PUDP: variants seen among roughly 807,000 people sequenced by gnomAD.
PUDP encodes pseudouridine 5'-phosphatase, also known as pseudouridine-5'-phosphatase.
A neutral mutation model predicts 9.4 loss-of-function variants in PUDP; 8 were observed. That is an observed-to-expected ratio of 0.85 (90% CI 0.50 to 1.53). The LOEUF (loss-of-function observed/expected upper bound fraction) is 1.53. Ranked by LOEUF, PUDP falls within the 40% of genes most tolerant of loss-of-function variation. PUDP has a pLI of 0.00. For synonymous variants in PUDP, 99 were observed against 80.7 expected (o/e 1.23, Z -1.22); for missense variants, 188 against 189.7 (o/e 0.99, Z 0.05).
chrX:6,877,909 G>A (rs902395301), intron 3 of PUDP, among the ~76,000 whole-genome samples: 1 of 112,038 alleles, frequency 8.9e-6, no homozygotes, highest in African/African-American at 3.2e-5. Context: ...ACAATGCCAT[G>A]GGGGAGGTGA....
intron 3 of PUDP, among the ~76,000 whole-genome samples, chrX:6,948,916 G>A (rs1383621503): frequency 8.9e-6 from 1 of 111,916 alleles, no homozygotes; most frequent in Non-Finnish European, 1.9e-5. Context: ...CAGCGAGGAG[G>A]CAGAACTGGA....
chrX:7,077,193 C>T lies in PUDP; in HGVS notation c.510+27G>A, dbSNP rs184600682. 0.011 allele frequency: 13,106 copies of T among 1,168,667 alleles called. 424 individuals carry two copies. The African/African-American group carries it at 0.14, about 13-fold the overall frequency. ...TTTGGTGGAACATGGTTGTGGAACA[C>T]GGCCCGTGTCACCGGCACCCACTTA... On this transcript the variant is annotated intron_variant, in intron 3 of 3. Coordinates refer to ENST00000381077, the MANE Select transcript of PUDP (RefSeq NM_012080.5).
chrX:7,091,279 T>C, intron 2 of PUDP, among the ~76,000 whole-genome samples: 1 of 112,071 alleles, frequency 8.9e-6, no homozygotes, highest in Middle Eastern at 4.6e-3. Context: ...TCAGGTCTCC[T>C]AGGTTTCACT....
chrX:6,895,946 G>A (rs1927584844), intron 3 of PUDP, among the ~76,000 whole-genome samples: 1 of 110,433 alleles, frequency 9.1e-6, no homozygotes, highest in Non-Finnish European at 1.9e-5. Flanking sequence ...TTTTATAAGG[G>A]CACTCATACC....
chrX:6,926,534 TA>T (rs1270029038), intron 3 of PUDP, among the ~76,000 whole-genome samples: 1 of 112,279 alleles, frequency 8.9e-6, no homozygotes, highest in African/African-American at 3.2e-5. Flanking sequence ...TGTAACCCTT[TA>T]AAAGAGAAAA....
At chrX:6,780,184 T>C (rs1337262189) in intron 3 of PUDP, among the ~76,000 whole-genome samples, 2 of 109,724 alleles carry the variant, frequency 1.8e-5, no homozygotes, top group African/African-American at 6.7e-5. Flanking sequence ...CATATACACA[T>C]ACACACATTC....
At chrX:7,126,876 T>C (rs1207345461) in intron 1 of PUDP, among the ~76,000 whole-genome samples, 1 of 111,548 alleles carries the variant, frequency 9.0e-6, no homozygotes, top group Non-Finnish European at 1.9e-5. Flanking sequence ...TGGAAGGTGC[T>C]ATCTTAACAT....
chrX:6,786,468 C>T (rs183205864), intron 3 of PUDP, among the ~76,000 whole-genome samples: 55 of 112,195 alleles, frequency 4.9e-4, no homozygotes, highest in African/African-American at 1.8e-3. Context: ...AAAAGAAACC[C>T]TCTGAATGAA....
intron 3 of PUDP, among the ~76,000 whole-genome samples, chrX:6,810,067 C>A (rs1164378287): frequency 1.1e-5 from 1 of 93,533 alleles, no homozygotes; most frequent in Non-Finnish European, 2.0e-5. Context: ...AGAACAGAGA[C>A]CCTGTCTCAA....
chrX:6,926,460 G>A (rs967655902), intron 3 of PUDP, among the ~76,000 whole-genome samples: 10 of 112,077 alleles, frequency 8.9e-5, no homozygotes, highest in African/African-American at 9.7e-5. Context: ...TCTGAAAAGC[G>A]TGCTCTTTTC....
Position 7,012,446 on chromosome X carries a change from T to C in PUDP, c.205-34103A>G, listed in dbSNP as rs773275415. Among the ~76,000 whole-genome samples, 82 of 112,103 alleles carry C rather than the reference T, an allele frequency of 7.3e-4. 1 individual carries two copies. The highest frequency in any genetic ancestry group is 1.4e-3 in the Non-Finnish European group (72 of 53,308). Reference sequence around the variant, plus strand: ...AGAGATCCCCTTGGCTCCACAAGGATAGAGAGTTCTTTGCTGAGAGAGTCA... The same window carrying C: ...AGAGATCCCCTTGGCTCCACAAGGACAGAGAGTTCTTTGCTGAGAGAGTCA... On this transcript the variant is annotated intron_variant and NMD_transcript_variant, in intron 1 of 3. Coordinates refer to the PUDP transcript ENST00000655425.
chrX:6,989,585 A>G (rs1929149204), intron 1 of PUDP: 1 of 124,548 alleles, frequency 8.0e-6, no homozygotes, highest in Admixed American at 8.1e-5. Flanking sequence ...GCCATTGCCA[A>G]AAAGAATATG....
At chrX:7,022,010 G>C (rs776682178) in intron 1 of PUDP, among the ~76,000 whole-genome samples, 10 of 112,059 alleles carry the variant, frequency 8.9e-5, no homozygotes, top group Non-Finnish European at 1.1e-4. Context: ...GGCTTTATCA[G>C]TATCATTCAA....
chrX:6,945,770 G>A (rs1450217528), intron 3 of PUDP, among the ~76,000 whole-genome samples: 1 of 110,989 alleles, frequency 9.0e-6, no homozygotes, highest in Non-Finnish European at 1.9e-5. Flanking sequence ...CTTGGACTCG[G>A]AAACTCAAAC....
intron 3 of PUDP, among the ~76,000 whole-genome samples, chrX:7,076,352 A>G (rs988079964): frequency 8.1e-5 from 9 of 111,669 alleles, no homozygotes; most frequent in Admixed American, 6.6e-4. Flanking sequence ...GGAAGCAGGC[A>G]TTTGCAGAGA....
chrX:6,910,593 T>C (rs1927834643), intron 3 of PUDP, among the ~76,000 whole-genome samples: 1 of 111,893 alleles, frequency 8.9e-6, no homozygotes. Flanking sequence ...GGAATAGAGA[T>C]GAACAGTATT....
chrX:7,101,546 G>C (rs895709836), intron 2 of PUDP, among the ~76,000 whole-genome samples: 114 of 112,254 alleles, frequency 1.0e-3, no homozygotes, highest in African/African-American at 3.5e-3. Context: ...CAAACTACCA[G>C]ACTATCTAGA....
intron 3 of PUDP, among the ~76,000 whole-genome samples, chrX:6,936,495 A>G (rs1322972642): frequency 2.1e-5 from 1 of 48,126 alleles, no homozygotes; most frequent in Non-Finnish European, 3.8e-5. Context: ...CAAAATAATA[A>G]GAGCTATCTA....
intron 1 of PUDP, among the ~76,000 whole-genome samples, chrX:7,143,141 CT>C (rs59707112): frequency 4.7e-5 from 5 of 105,464 alleles, no homozygotes; most frequent in Non-Finnish European, 9.7e-5. Flanking sequence ...ATCCCTAGCA[CT>C]TTTTTTTTTA....
Sources: gnomAD v4.1 joint callset for allele counts (sites outside exome capture counted in the v4.1 genomes callset) on GRCh38, gnomAD v4.1.1 for gene constraint, MANE v1.5 for transcripts, NCBI Gene and HGNC (gene_info 2026-07-23, HGNC 2026-07-21) for gene names.